The following ABL1 variants were observed in gnomAD, a reference collection of about 807,000 sequenced individuals.
The protein encoded by ABL1 is ABL proto-oncogene 1, non-receptor tyrosine kinase.
In ABL1, 11 loss-of-function variants were observed where a neutral mutation model predicts 94.7. The observed-to-expected ratio is 0.12, with a 90% CI of 0.07 to 0.19. ABL1 has a LOEUF of 0.19. ABL1 is among the 10% of genes least tolerant of loss of function. ABL1 has a pLI of 1.00. For synonymous variants in ABL1, 656 were observed against 622.4 expected (o/e 1.05, Z -0.80); for missense variants, 1,082 against 1,489.4 (o/e 0.73, Z 4.50).
intron 1 of ABL1, among the ~76,000 whole-genome samples, chr9:130,819,853 C>CTTT (rs777754388): frequency 2.8e-5 from 4 of 142,990 alleles, no homozygotes; most frequent in African/African-American, 7.7e-5. Context: ...AAAATACCTA[C>CTTT]TTTTTTTTTT....
intron 6 of ABL1, 103 bp from the exon 7 acceptor site, chr9:130,874,765 C>G (rs1831313163): frequency 7.9e-7 from 1 of 1,261,626 alleles, no homozygotes; most frequent in South Asian, 1.4e-5. Context: ...GCATTGGACT[C>G]AATCTTTCCA....
At chr9:130,787,208 A>G (rs1022617364) in intron 1 of ABL1, among the ~76,000 whole-genome samples, 1 of 152,164 alleles carries the variant, frequency 6.6e-6, no homozygotes, top group Non-Finnish European at 1.5e-5. Context: ...AGCCAGGCTC[A>G]TGGTAAGAGG....
intron 1 of ABL1, among the ~76,000 whole-genome samples, chr9:130,829,086 A>C (rs538612891): frequency 6.6e-5 from 10 of 152,384 alleles, no homozygotes; most frequent in African/African-American, 2.4e-4. Context: ...GAAACTAGAT[A>C]GTAGCAGATA....
chr9:130,739,432 G>A (rs1400944169), intron 1 of ABL1, among the ~76,000 whole-genome samples: 1 of 149,422 alleles, frequency 6.7e-6, no homozygotes, highest in Non-Finnish European at 1.5e-5. Context: ...AAACCTTCAG[G>A]AAATATAAAT....
At chr9:130,831,684 C>T (rs1434500373), upstream of ABL1, among the ~76,000 whole-genome samples, 1 of 152,144 alleles carries the variant, frequency 6.6e-6, no homozygotes, top group Non-Finnish European at 1.5e-5. Context: ...TCTTGGCACA[C>T]TGCAACCTCC....
Position 130,774,584 on chromosome 9 carries a change from A to G in ABL1, c.136+60129A>G, listed in dbSNP as rs116718041. 8.7e-3 allele frequency among the ~76,000 whole-genome samples: 1,331 copies of G among 152,180 alleles called. 19 individuals are homozygous for G. Among genetic ancestry groups the G allele is most frequent in the African/African-American group, 0.03 (1,264 of 41,514 alleles). On this transcript the variant is annotated intron_variant, in intron 1 of 10. Coordinates refer to the ABL1 transcript ENST00000372348. ...CATGCCTGTGATTCTAGCACTTTGGAAGGCTGAGGTGGGCGGATTGCCTGA... is the reference window on the plus strand; with the variant it reads ...CATGCCTGTGATTCTAGCACTTTGGGAGGCTGAGGTGGGCGGATTGCCTGA...
chr9:130,842,450 C>G (rs1374656671), intron 1 of ABL1, among the ~76,000 whole-genome samples: 1 of 152,184 alleles, frequency 6.6e-6, no homozygotes, highest in Non-Finnish European at 1.5e-5. Context: ...TCAAATTTAG[C>G]TAATAGCGTT....
chr9:130,833,842 C>T (rs1211367567), upstream of ABL1, among the ~76,000 whole-genome samples: 1 of 152,088 alleles, frequency 6.6e-6, no homozygotes, highest in Non-Finnish European at 1.5e-5. Context: ...ACTGAAGATA[C>T]CCGGGTTTTT....
intron 3 of ABL1, among the ~76,000 whole-genome samples, chr9:130,858,332 CTAG>C (rs1831007965): frequency 1.3e-5 from 2 of 152,116 alleles, no homozygotes; most frequent in Non-Finnish European, 2.9e-5. Context: ...TGTCTAAAAG[CTAG>C]TATGTGCCAG....
In ABL1 at chr9:130,844,868, C is replaced by G. The variant is rs547674615; in HGVS notation, c.80-9196C>G. ...CAGTCACAGGCACTGTACTTCTACT[C>G]TGGTTTGTTACCTGTGTTCTTAAAA... On this transcript the variant is annotated intron_variant, in intron 1 of 10. Coordinates refer to ENST00000318560, the MANE Select transcript of ABL1 (RefSeq NM_005157.6). Among the ~76,000 whole-genome samples, 5 of 152,322 alleles carry G rather than the reference C, an allele frequency of 3.3e-5. No individual in the cohort carries two copies. The East Asian group carries it at 9.6e-4, about 29-fold the overall frequency.
chr9:130,880,405 A>G lies in ABL1; in HGVS notation c.1514-95A>G, dbSNP rs1831431169. 2 of 1,435,594 alleles carry G rather than the reference A, an allele frequency of 1.4e-6. No individual in the cohort carries two copies. The highest frequency in any genetic ancestry group is 1.9e-6 in the Non-Finnish European group (2 of 1,043,930). The allele number at this position is 1,435,594 out of a possible 1,614,324, so 88.9% of individuals were successfully genotyped here. A position where few individuals can be genotyped will look rare whatever the true frequency, so the allele number is the denominator to read the frequency against. Reference sequence around the variant, plus strand: ...TTTCTTTAGTTGTATGCAGATGAGCACTGTTACCTTACAAAGAAAGAGAAC... The same window carrying G: ...TTTCTTTAGTTGTATGCAGATGAGCGCTGTTACCTTACAAAGAAAGAGAAC... On this transcript the variant is annotated intron_variant, in intron 9 of 10. Transcript: ENST00000318560. The surrounding 1 kb of genome is among the most constrained non-coding windows in gnomAD (Gnocchi z 4.4).
At chr9:130,810,643 C>G (rs543254181) in intron 1 of ABL1, among the ~76,000 whole-genome samples, 39 of 150,588 alleles carry the variant, frequency 2.6e-4, no homozygotes, top group Non-Finnish European at 4.3e-4. Flanking sequence ...GAAAAAAATA[C>G]ATGAACACAA....
chr9:130,748,436 A>G (rs1225933628), intron 1 of ABL1, among the ~76,000 whole-genome samples: 1 of 151,914 alleles, frequency 6.6e-6, no homozygotes, highest in African/African-American at 2.4e-5. Context: ...TTTCTGAGAC[A>G]GAGTCTCCCT....
rs556818986 is a variant in ABL1 at position 130,714,130 on chromosome 9, G to A, written c.-190G>A. 15 of 449,200 alleles carry A rather than the reference G, an allele frequency of 3.3e-5. No individual in the cohort carries two copies. The South Asian group carries it at 7.4e-4, about 22-fold the overall frequency. The allele number at this position is 449,200 out of a possible 1,614,324, so 27.8% of individuals were successfully genotyped here. A position where few individuals can be genotyped will look rare whatever the true frequency, so the allele number is the denominator to read the frequency against. On this transcript the variant is annotated 5_prime_UTR_variant, in exon 1 of 11. Transcript: ENST00000372348. Reference sequence around the variant, plus strand: ...GCGAAAATAATTGGAACTCCTGCTTGCAAGTGTCAACCTAAAAAAAGTGCT... The same window carrying A: ...GCGAAAATAATTGGAACTCCTGCTTACAAGTGTCAACCTAAAAAAAGTGCT...
intron 1 of ABL1, among the ~76,000 whole-genome samples, chr9:130,820,277 T>C (rs1258853498): frequency 6.6e-6 from 1 of 152,164 alleles, no homozygotes; most frequent in East Asian, 1.9e-4. Flanking sequence ...GGGGTCATGG[T>C]ATGTAGTTGG....
intron 1 of ABL1, among the ~76,000 whole-genome samples, chr9:130,846,584 T>C (rs947583121): frequency 6.6e-6 from 1 of 152,162 alleles, no homozygotes; most frequent in African/African-American, 2.4e-5. Flanking sequence ...TGAACAGTAA[T>C]GAATGCTCCA....
intron 3 of ABL1, among the ~76,000 whole-genome samples, chr9:130,856,413 G>C (rs967037263): frequency 6.6e-6 from 1 of 152,056 alleles, no homozygotes; most frequent in Admixed American, 6.6e-5. Context: ...GTAGAGACAG[G>C]GTCTCGCCAT....
chr9:130,800,928 C>CTTTTT (rs5900906), intron 1 of ABL1, among the ~76,000 whole-genome samples: 3 of 128,776 alleles, frequency 2.3e-5, no homozygotes, highest in Non-Finnish European at 1.7e-5. Flanking sequence ...TTTTTCTTTC[C>CTTTTT]TTTTTTTTTT....
chr9:130,854,779 G>A (rs759794704), intron 2 of ABL1, 22 bp from the exon 3 acceptor site: 11 of 1,605,004 alleles, frequency 6.9e-6, no homozygotes, highest in Admixed American at 1.7e-5. Context: ...TGATATGTCT[G>A]ATTTGGTTCC....
Sources: allele counts gnomAD v4.1 joint callset (sites outside exome capture counted in the v4.1 genomes callset), GRCh38; gene constraint gnomAD v4.1.1; non-coding constraint Gnocchi (gnomAD v3.1); transcripts MANE v1.5; gene names NCBI Gene and HGNC (gene_info 2026-07-23, HGNC 2026-07-21).